ITGB5: variants seen among roughly 807,000 people sequenced by gnomAD.
ITGB5 encodes the protein integrin beta-5.
ITGB5 carries 38 observed loss-of-function variants against 84.8 expected under a neutral mutation model. The observed-to-expected ratio is 0.45, with a 90% confidence interval of 0.35 to 0.59. The LOEUF (loss-of-function observed/expected upper bound fraction) is 0.59. Among genes scored for constraint, ITGB5 ranks in the 20% least tolerant of loss-of-function variants. ITGB5 has a pLI of 0.01. For missense variants in ITGB5, 905 were observed against 1,034.5 expected, an observed-to-expected ratio of 0.87 and a Z score of 1.72; for synonymous variants, 393 against 414.4, an observed-to-expected ratio of 0.95 and a Z score of 0.63.
intron 5 of ITGB5, among the ~76,000 whole-genome samples, chr3:124,828,736 G>C (rs544270947): frequency 2.7e-4 from 41 of 152,320 alleles, no homozygotes; most frequent in African/African-American, 9.6e-4. Context: ...CGCAGTGCTG[G>C]CCTCCCAAAG....
intron 4 of ITGB5, among the ~76,000 whole-genome samples, chr3:124,842,883 G>A (rs1008346510): frequency 1.3e-5 from 2 of 152,058 alleles, no homozygotes; most frequent in Non-Finnish European, 1.5e-5. Context: ...CCCTCTCAGG[G>A]CTACAGTCCC....
intron 10 of ITGB5, among the ~76,000 whole-genome samples, chr3:124,785,524 G>T (rs2064068703): frequency 6.7e-6 from 1 of 150,284 alleles, no homozygotes; most frequent in Non-Finnish European, 1.5e-5. Flanking sequence ...GGCAGAGGTT[G>T]CAGTGAGCCA....
At chr3:124,858,652 T>G (rs527399538) in intron 3 of ITGB5, among the ~76,000 whole-genome samples, 2 of 152,190 alleles carry the variant, frequency 1.3e-5, no homozygotes, top group African/African-American at 4.8e-5. Context: ...AGGACAAATA[T>G]TGGATGATTC....
At chr3:124,771,776 G>T in intron 11 of ITGB5, among the ~76,000 whole-genome samples, 1 of 140,388 alleles carries the variant, frequency 7.1e-6, no homozygotes, top group Non-Finnish European at 1.5e-5. Flanking sequence ...AAGGAATCGT[G>T]ATATTCCCTT....
At chr3:124,831,344 T>G (rs3863065) in intron 5 of ITGB5, among the ~76,000 whole-genome samples, 8,344 of 152,224 alleles carry the variant, frequency 0.055, 318 homozygotes, top group Non-Finnish European at 0.082. Context: ...ACCTGGAGCA[T>G]GAGGCCTGTG....
intron 2 of ITGB5, among the ~76,000 whole-genome samples, chr3:124,866,064 C>T (rs1475621106): frequency 6.6e-6 from 1 of 151,944 alleles, no homozygotes; most frequent in African/African-American, 2.4e-5. Flanking sequence ...GGTATGATCT[C>T]GGCTCACTGC....
intron 12 of ITGB5, among the ~76,000 whole-genome samples, chr3:124,768,250 TC>T (rs968860135): frequency 6.6e-6 from 1 of 152,172 alleles, no homozygotes; most frequent in Non-Finnish European, 1.5e-5. Flanking sequence ...AGACACAGAT[TC>T]CCTTTCAAGG....
intron 1 of ITGB5, among the ~76,000 whole-genome samples, chr3:124,881,667 T>A (rs926527992): frequency 6.6e-6 from 1 of 151,906 alleles, no homozygotes; most frequent in African/African-American, 2.4e-5. Flanking sequence ...CCATACCAGC[T>A]CAAAAAATCC....
chr3:124,845,852 A>C (rs1246784138), intron 4 of ITGB5, among the ~76,000 whole-genome samples: 2 of 152,192 alleles, frequency 1.3e-5, no homozygotes, highest in Non-Finnish European at 2.9e-5. Context: ...AAAAGGCTTA[A>C]GGCTTGCAGT....
At chr3:124,851,193 G>A (rs2065148008) in intron 3 of ITGB5, among the ~76,000 whole-genome samples, 1 of 152,160 alleles carries the variant, frequency 6.6e-6, no homozygotes, top group Non-Finnish European at 1.5e-5. Flanking sequence ...AGGAAAGCTG[G>A]GTTTGAATCC....
chr3:124,776,901 G>A (rs2063934202), intron 10 of ITGB5, among the ~76,000 whole-genome samples: 1 of 152,120 alleles, frequency 6.6e-6, no homozygotes. Flanking sequence ...TTGGGGTGAG[G>A]CATGTGTGTT....
chr3:124,773,627 C>T, intron 11 of ITGB5, 63 bp downstream of exon 11: 2 of 1,525,664 alleles, frequency 1.3e-6, no homozygotes, highest in South Asian at 2.4e-5. Context: ...TGAGGGCTGC[C>T]TGGCTGGACC....
chr3:124,797,642 T>C (rs1245190268), intron 9 of ITGB5, among the ~76,000 whole-genome samples: 1 of 152,184 alleles, frequency 6.6e-6, no homozygotes, highest in Non-Finnish European at 1.5e-5. Context: ...GCCTGTCAGC[T>C]GCCCACAGGG....
intron 3 of ITGB5, among the ~76,000 whole-genome samples, chr3:124,850,655 G>A (rs538982782): frequency 2.6e-5 from 4 of 151,444 alleles, no homozygotes; most frequent in East Asian, 1.9e-4. Context: ...TAACTAACCC[G>A]CACATTGTGC....
rs185705838 is a variant in ITGB5 at position 124,768,192 on chromosome 3, A to G, written c.2017+821T>C. On this transcript the variant is annotated intron_variant, in intron 12 of 14. Transcript: ENST00000296181. ...GCAGCTGGGGGCCAGGAGTTTGCAG[A>G]AGCCAGAGGTGAAGATAGAGGGGAA... Among the ~76,000 whole-genome samples, 382 of 152,346 alleles carry G rather than the reference A, an allele frequency of 2.5e-3. 3 individuals carry two copies. Among genetic ancestry groups the G allele is most frequent in the African/African-American group, 8.4e-3 (349 of 41,582 alleles).
chr3:124,784,811 C>G (rs1339115555), intron 10 of ITGB5, among the ~76,000 whole-genome samples: 1 of 152,244 alleles, frequency 6.6e-6, no homozygotes, highest in African/African-American at 2.4e-5. Flanking sequence ...CCAATCACAT[C>G]TGGAAAGTGT....
chr3:124,873,877 G>A (rs9835619), intron 1 of ITGB5, among the ~76,000 whole-genome samples: 27,251 of 110,982 alleles, frequency 0.25, 2,463 homozygotes, highest in Admixed American at 0.29. Context: ...AGTACAAAAA[G>A]AAAAGAAAAG....
At chr3:124,828,000 AGCT>A (rs1189733095) in intron 5 of ITGB5, among the ~76,000 whole-genome samples, 1 of 116,756 alleles carries the variant, frequency 8.6e-6, no homozygotes, top group East Asian at 2.6e-4. Context: ...CCCCGCCGCC[AGCT>A]CCCTTCGCTG....
At chr3:124,887,559 G>T, upstream of ITGB5, 1 of 271,124 alleles carries the variant, frequency 3.7e-6, no homozygotes, top group South Asian at 2.9e-5. Flanking sequence ...CCCGGGACGC[G>T]GAGGCCCTAC....
Sources: gnomAD v4.1 joint callset for allele counts (sites outside exome capture counted in the v4.1 genomes callset) on GRCh38, gnomAD v4.1.1 for gene constraint, MANE v1.5 for transcripts, NCBI Gene and HGNC (gene_info 2026-07-23, HGNC 2026-07-21) for gene names.